ETV6: variants seen among roughly 807,000 people sequenced by gnomAD.
The protein encoded by ETV6 is transcription factor ETV6.
Under a neutral mutation model 51.1 loss-of-function variants are expected in ETV6, and 16 were observed. That is an observed-to-expected ratio of 0.31 (90% CI 0.21 to 0.48). ETV6 has a LOEUF of 0.48. Ranked by LOEUF, ETV6 falls within the 20% of genes least tolerant of loss-of-function variation. ETV6 has a pLI of 0.99. For synonymous variants in ETV6, 240 were observed against 224.1 expected (o/e 1.07, Z -0.64); for missense variants, 458 against 594.8 (o/e 0.77, Z 2.39).
intron 1 of ETV6, among the ~76,000 whole-genome samples, chr12:11,722,327 A>G (rs1865403507): frequency 1.3e-5 from 2 of 152,050 alleles, no homozygotes; most frequent in African/African-American, 2.4e-5. Flanking sequence ...AGCTCCAGGG[A>G]GGAGAAGAAG....
chr12:11,876,359 A>G (rs1329563088), intron 5 of ETV6, among the ~76,000 whole-genome samples: 1 of 152,198 alleles, frequency 6.6e-6, no homozygotes, highest in Non-Finnish European at 1.5e-5. Context: ...CTGCATCTCT[A>G]AATGCCAAAT....
intron 1 of ETV6, among the ~76,000 whole-genome samples, chr12:11,676,235 T>G (rs1443630590): frequency 1.3e-5 from 2 of 152,174 alleles, no homozygotes; most frequent in Non-Finnish European, 2.9e-5. Context: ...CTTAGTCTAC[T>G]CTCAGCTTGG....
At chr12:11,791,756 A>ACGT (rs1555131369) in intron 2 of ETV6, among the ~76,000 whole-genome samples, 1 of 151,610 alleles carries the variant, frequency 6.6e-6, no homozygotes, top group Non-Finnish European at 1.5e-5. Flanking sequence ...GTGTTCATTG[A>ACGT]TATTGTTATA....
At position 11,650,067 on chromosome 12, in the gene ETV6, G is replaced by A. The variant is rs2120580921; in HGVS notation, c.-61G>A. On this transcript the variant is annotated 5_prime_UTR_variant, in exon 1 of 8. Transcript: ENST00000396373. ...GCTGGCCGTGGAGCCTTTCTGGGTT[G>A]GGGAGAGGAAAGGAAAGTGGAAAAA... The A allele has an allele frequency of 6.7e-6, 10 of 1,498,072 alleles. No homozygotes were observed. The South Asian group carries it at 1.0e-4, about 15-fold the overall frequency. The allele number at this position is 1,498,072 out of a possible 1,614,324, so 92.8% of individuals were successfully genotyped here. A position where few individuals can be genotyped will look rare whatever the true frequency, so the allele number is the denominator to read the frequency against.
intron 1 of ETV6, among the ~76,000 whole-genome samples, chr12:11,695,341 A>G (rs1864856507): frequency 6.6e-6 from 1 of 152,212 alleles, no homozygotes; most frequent in African/African-American, 2.4e-5. Context: ...GAAGGGAGTG[A>G]CAGCAGCAAG....
At chr12:11,842,014 G>A (rs973412988) in intron 3 of ETV6, among the ~76,000 whole-genome samples, 6 of 150,514 alleles carry the variant, frequency 4.0e-5, no homozygotes, top group Non-Finnish European at 5.9e-5. Flanking sequence ...CCCGGGAGGC[G>A]GAGCTTGCAG....
chr12:11,715,492 A>G (rs951467982), intron 1 of ETV6, among the ~76,000 whole-genome samples: 1 of 152,126 alleles, frequency 6.6e-6, no homozygotes, highest in African/African-American at 2.4e-5. Context: ...GGATGAGAAA[A>G]CCCAAAACTC....
chr12:11,881,957 C>T (rs1947103574), intron 5 of ETV6, among the ~76,000 whole-genome samples: 3 of 152,286 alleles, frequency 2.0e-5, no homozygotes, highest in Middle Eastern at 3.4e-3. Context: ...CTCAGCCCAT[C>T]CCCTGGCAAT....
intron 1 of ETV6, among the ~76,000 whole-genome samples, chr12:11,738,330 A>C (rs1865748298): frequency 1.2e-5 from 1 of 81,324 alleles, no homozygotes; most frequent in African/African-American, 8.9e-5. Flanking sequence ...TTTTTTTTTA[A>C]ATTTGAGACA....
chr12:11,882,574 T>C (rs1394753404), intron 5 of ETV6, among the ~76,000 whole-genome samples: 1 of 152,238 alleles, frequency 6.6e-6, no homozygotes, highest in African/African-American at 2.4e-5. Flanking sequence ...ACCAGGCTTG[T>C]CGAAGCCACA....
intron 2 of ETV6, among the ~76,000 whole-genome samples, chr12:11,805,133 T>C (rs1945811014): frequency 6.6e-6 from 1 of 152,170 alleles, no homozygotes; most frequent in Non-Finnish European, 1.5e-5. Flanking sequence ...ACAGATGCTT[T>C]ATTAGTCTTC....
At chr12:11,771,885 C>G (rs2136353259) in intron 2 of ETV6, among the ~76,000 whole-genome samples, 1 of 152,288 alleles carries the variant, frequency 6.6e-6, no homozygotes, top group South Asian at 2.1e-4. Flanking sequence ...AGTCAGGAAG[C>G]CTGGCCTCCA....
chr12:11,672,935 G>A (rs1012666790), intron 1 of ETV6, among the ~76,000 whole-genome samples: 2 of 152,214 alleles, frequency 1.3e-5, no homozygotes, highest in Non-Finnish European at 2.9e-5. Context: ...AAAAGTTATC[G>A]CCATCCTACT....
chr12:11,843,203 C>T (rs1217615737), intron 3 of ETV6, among the ~76,000 whole-genome samples: 1 of 152,208 alleles, frequency 6.6e-6, no homozygotes, highest in Non-Finnish European at 1.5e-5. Context: ...TATAAGACAA[C>T]TAAGTTGGAG....
At chr12:11,743,318 A>C (rs1865845562) in intron 1 of ETV6, among the ~76,000 whole-genome samples, 3 of 152,230 alleles carry the variant, frequency 2.0e-5, no homozygotes, top group African/African-American at 7.2e-5. Context: ...TTGTTACTGT[A>C]GGTAGAATTC....
At chr12:11,836,261 C>T (rs1163427033) in intron 2 of ETV6, among the ~76,000 whole-genome samples, 1 of 152,194 alleles carries the variant, frequency 6.6e-6, no homozygotes, top group Non-Finnish European at 1.5e-5. Context: ...ACTTTGAACA[C>T]CAAAGTTTAT....
At chr12:11,855,665 C>T (rs1019959479) in intron 4 of ETV6, among the ~76,000 whole-genome samples, 4 of 152,154 alleles carry the variant, frequency 2.6e-5, no homozygotes, top group African/African-American at 4.8e-5. Context: ...GCGATGACAC[C>T]ACCTCCTTGT....
chr12:11,722,747 T>C (rs1369658411), intron 1 of ETV6, among the ~76,000 whole-genome samples: 1 of 152,226 alleles, frequency 6.6e-6, no homozygotes, highest in African/African-American at 2.4e-5. Flanking sequence ...CCTTTGCCCA[T>C]TGCCAGGTGA....
chr12:11,745,915 G>A (rs1426305143), intron 1 of ETV6, among the ~76,000 whole-genome samples: 1 of 152,170 alleles, frequency 6.6e-6, no homozygotes, highest in Admixed American at 6.5e-5. Flanking sequence ...TGGTCCTACT[G>A]ATTGTGTCCC....
Sources: allele counts gnomAD v4.1 joint callset (sites outside exome capture counted in the v4.1 genomes callset), GRCh38; gene constraint gnomAD v4.1.1; transcripts MANE v1.5; gene names NCBI Gene and HGNC (gene_info 2026-07-23, HGNC 2026-07-21).